FAM162A: variants seen among roughly 807,000 people sequenced by gnomAD.
FAM162A encodes the protein family with sequence similarity 162 member A.
In FAM162A, 23 loss-of-function variants were observed where a neutral mutation model predicts 21.8. The observed-to-expected ratio is 1.05, with a 90% CI of 0.76 to 1.49. FAM162A has a LOEUF of 1.49. FAM162A is among the 40% of genes most tolerant of loss of function. The pLI is 0.00. For missense variants in FAM162A, 165 were observed against 186.4 expected (o/e 0.89, Z 0.67); for synonymous variants, 53 against 61.3 (o/e 0.86, Z 0.64).
chr3:122,384,954 G>A (rs1027832318), intron 1 of FAM162A, among the ~76,000 whole-genome samples: 2 of 152,138 alleles, frequency 1.3e-5, no homozygotes, highest in African/African-American at 2.4e-5. Flanking sequence ...TTGGACTTAG[G>A]TAATGAAAGC....
chr3:122,402,550 C>T (rs2107699853), intron 1 of FAM162A, among the ~76,000 whole-genome samples: 1 of 152,232 alleles, frequency 6.6e-6, no homozygotes, highest in South Asian at 2.1e-4. Context: ...TTGTAAATTC[C>T]TAATTTCCTA....
intron 1 of FAM162A, among the ~76,000 whole-genome samples, chr3:122,388,717 AAGAGT>A (rs940147188): frequency 1.7e-4 from 26 of 152,280 alleles, no homozygotes; most frequent in African/African-American, 6.3e-4. Context: ...CAAAAATGGG[AAGAGT>A]AGAGTCAGAA....
At chr3:122,409,348 G>C (rs571040793) in intron 4 of FAM162A, among the ~76,000 whole-genome samples, 1 of 152,156 alleles carries the variant, frequency 6.6e-6, no homozygotes, top group Non-Finnish European at 1.5e-5. Flanking sequence ...GATAAGTTGG[G>C]GAAGGAGAAA....
intron 1 of FAM162A, among the ~76,000 whole-genome samples, chr3:122,394,070 GGGAGCTGGC>G (rs1205123114): frequency 6.6e-6 from 1 of 152,146 alleles, no homozygotes; most frequent in Non-Finnish European, 1.5e-5. Flanking sequence ...AAGGCGAAGG[GGGAGCTGGC>G]ATGTCACATG....
intron 1 of FAM162A, 93 bp downstream of exon 1, chr3:122,384,392 T>C: frequency 7.0e-7 from 1 of 1,424,882 alleles, no homozygotes; most frequent in Non-Finnish European, 9.6e-7. Context: ...CCGGAGTGGC[T>C]CCATTCCATG....
chr3:122,390,146 A>G (rs746658511), intron 1 of FAM162A, among the ~76,000 whole-genome samples: 1 of 152,144 alleles, frequency 6.6e-6, no homozygotes, highest in African/African-American at 2.4e-5. Flanking sequence ...AAAAAAAAAA[A>G]TAAGTTTTTT....
chr3:122,385,469 C>G (rs562557479), intron 1 of FAM162A, among the ~76,000 whole-genome samples: 5 of 152,252 alleles, frequency 3.3e-5, no homozygotes, highest in African/African-American at 1.2e-4. Context: ...AGCTTTTCAA[C>G]AAGGCAAGTG....
intron 1 of FAM162A, among the ~76,000 whole-genome samples, chr3:122,389,009 A>G (rs1360239470): frequency 1.3e-5 from 2 of 152,048 alleles, no homozygotes; most frequent in Non-Finnish European, 2.9e-5. Context: ...AGATCACAGC[A>G]CTGCACTCCA....
At chr3:122,385,106 A>G (rs932508967) in intron 1 of FAM162A, among the ~76,000 whole-genome samples, 1 of 152,182 alleles carries the variant, frequency 6.6e-6, no homozygotes, top group African/African-American at 2.4e-5. Flanking sequence ...AAAGTTGTTA[A>G]TTAAATTTTT....
At chr3:122,398,432 A>G (rs1313330644) in intron 1 of FAM162A, among the ~76,000 whole-genome samples, 1 of 152,236 alleles carries the variant, frequency 6.6e-6, no homozygotes, top group East Asian at 1.9e-4. Context: ...GCATAATAAG[A>G]CAGACACAAT....
intron 1 of FAM162A, among the ~76,000 whole-genome samples, chr3:122,390,382 G>C (rs1206075472): frequency 6.6e-6 from 1 of 152,176 alleles, no homozygotes; most frequent in African/African-American, 2.4e-5. Context: ...GTTTCAGATA[G>C]ACACTCTGGG....
At chr3:122,385,916 C>T (rs1302294627) in intron 1 of FAM162A, among the ~76,000 whole-genome samples, 1 of 152,166 alleles carries the variant, frequency 6.6e-6, no homozygotes, top group Non-Finnish European at 1.5e-5. Context: ...CTCATAGCAG[C>T]CCTCTCAGGT....
intron 1 of FAM162A, among the ~76,000 whole-genome samples, chr3:122,385,004 A>G (rs147109637): frequency 3.2e-3 from 488 of 152,222 alleles, no homozygotes; most frequent in Non-Finnish European, 6.1e-3. Flanking sequence ...GAGCCTTGGC[A>G]TAGTAGGGGT....
chr3:122,388,632 A>G (rs1260227218), intron 1 of FAM162A, among the ~76,000 whole-genome samples: 1 of 152,188 alleles, frequency 6.6e-6, no homozygotes, highest in African/African-American at 2.4e-5. Context: ...AGATGAAGTG[A>G]GAGAATTTGG....
chr3:122,384,326 G>T (rs753653355), intron 1 of FAM162A, 27 bp downstream of exon 1: 51 of 1,567,462 alleles, frequency 3.3e-5, no homozygotes, highest in Non-Finnish European at 4.2e-5. Flanking sequence ...GATATGGGAG[G>T]TAGGGGAGCT....
At chr3:122,389,446 A>C (rs1398150441) in intron 1 of FAM162A, among the ~76,000 whole-genome samples, 1 of 151,644 alleles carries the variant, frequency 6.6e-6, no homozygotes, top group Non-Finnish European at 1.5e-5. Flanking sequence ...TGAGATAGAT[A>C]GATGGAAACT....
chr3:122,391,143 A>G (rs2075602571), intron 1 of FAM162A, among the ~76,000 whole-genome samples: 1 of 152,254 alleles, frequency 6.6e-6, no homozygotes. Context: ...CCAAGACCAC[A>G]TCAAATACTT....
At chr3:122,389,424 TA>T (rs2075590196) in intron 1 of FAM162A, among the ~76,000 whole-genome samples, 1 of 141,932 alleles carries the variant, frequency 7.0e-6, no homozygotes, top group African/African-American at 2.6e-5. Context: ...GATAGATAGA[TA>T]GATAGATAGA....
intron 1 of FAM162A, among the ~76,000 whole-genome samples, chr3:122,389,381 GGATAGATAGATA>G (rs61431402): frequency 0.098 from 14,172 of 145,240 alleles, 669 homozygotes; most frequent in Middle Eastern, 0.12. Context: ...TAGTATAGAT[GGATAGATAGATA>G]GATAGATAGA....
Sources: gnomAD v4.1 joint callset for allele counts (sites outside exome capture counted in the v4.1 genomes callset) on GRCh38, gnomAD v4.1.1 for gene constraint, MANE v1.5 for transcripts, NCBI Gene and HGNC (gene_info 2026-07-23, HGNC 2026-07-21) for gene names.